The following ADAM22 variants were observed in gnomAD, a reference collection of about 807,000 sequenced individuals.
ADAM22 encodes the protein disintegrin and metalloproteinase domain-containing protein 22.
ADAM22 carries 65 observed loss-of-function variants against 144.6 expected under a neutral mutation model. That is an observed-to-expected ratio of 0.45 (90% confidence interval 0.37 to 0.55). ADAM22 has a LOEUF of 0.55. ADAM22 is among the 20% of genes least tolerant of loss of function. ADAM22 has a pLI of 0.00. For synonymous variants in ADAM22, 391 were observed against 412.6 expected (o/e 0.95, Z 0.63); for missense variants, 974 against 1,184.9 (o/e 0.82, Z 2.61).
intron 3 of ADAM22, among the ~76,000 whole-genome samples, chr7:88,021,190 G>A (rs1374163047): frequency 6.6e-6 from 1 of 152,174 alleles, no homozygotes; most frequent in African/African-American, 2.4e-5. Flanking sequence ...TGTGGCAAGT[G>A]AATCACAAGG....
chr7:88,093,918 T>C (rs1353108513), intron 4 of ADAM22, among the ~76,000 whole-genome samples: 1 of 152,112 alleles, frequency 6.6e-6, no homozygotes, highest in Non-Finnish European at 1.5e-5. Context: ...ATTTTCCCCA[T>C]AGCCACTCAT....
intron 22 of ADAM22, among the ~76,000 whole-genome samples, chr7:88,161,193 G>GAAAAAAAAAAAA (rs34723283): frequency 7.3e-6 from 1 of 136,960 alleles, no homozygotes. Flanking sequence ...AACATATTTG[G>GAAAAAAAAAAAA]AAAAAAAAAA....
At chr7:88,166,402 G>C (rs1227169060) in intron 24 of ADAM22, among the ~76,000 whole-genome samples, 1 of 152,130 alleles carries the variant, frequency 6.6e-6, no homozygotes, top group Non-Finnish European at 1.5e-5. Context: ...GCTACAGTTA[G>C]TAATCCTGGC....
chr7:88,183,218 G>A (rs755807380), intron 29 of ADAM22, among the ~76,000 whole-genome samples: 2 of 152,030 alleles, frequency 1.3e-5, no homozygotes, highest in South Asian at 2.1e-4. Flanking sequence ...TTCCCAAAGC[G>A]CTTGGATGCT....
intron 29 of ADAM22, among the ~76,000 whole-genome samples, chr7:88,184,686 C>G (rs929502792): frequency 6.6e-6 from 1 of 152,106 alleles, no homozygotes; most frequent in Non-Finnish European, 1.5e-5. Context: ...TCCCATCACT[C>G]CAGCCACCAT....
At chr7:88,069,139 T>G (rs186921738) in intron 3 of ADAM22, among the ~76,000 whole-genome samples, 355 of 151,726 alleles carry the variant, frequency 2.3e-3, no homozygotes, top group African/African-American at 8.5e-3. Context: ...TGTCTTCCCT[T>G]ACCTTCCCTC....
At chr7:88,139,719 C>G (rs1194110027) in intron 14 of ADAM22, among the ~76,000 whole-genome samples, 1 of 151,578 alleles carries the variant, frequency 6.6e-6, no homozygotes, top group Non-Finnish European at 1.5e-5. Flanking sequence ...GGATAGTTCC[C>G]AAAGCAGTGT....
chr7:87,969,582 A>G (rs1352437192), intron 2 of ADAM22, among the ~76,000 whole-genome samples: 11 of 152,168 alleles, frequency 7.2e-5, no homozygotes, highest in Non-Finnish European at 1.2e-4. Context: ...TATTACAGCA[A>G]ATCTACAAAG....
chr7:88,017,534 C>T (rs1439007611), intron 3 of ADAM22, among the ~76,000 whole-genome samples: 1 of 152,030 alleles, frequency 6.6e-6, no homozygotes, highest in Non-Finnish European at 1.5e-5. Context: ...TAGGTTTATT[C>T]ATTTTAGTTT....
At chr7:88,084,061 G>A (rs1817737668) in intron 4 of ADAM22, among the ~76,000 whole-genome samples, 1 of 152,136 alleles carries the variant, frequency 6.6e-6, no homozygotes, top group African/African-American at 2.4e-5. Flanking sequence ...AAAGGAAACA[G>A]GCCATTCACT....
chr7:88,177,048 AGCCACCAC>A (rs959104668), intron 26 of ADAM22, among the ~76,000 whole-genome samples: 2 of 152,092 alleles, frequency 1.3e-5, no homozygotes, highest in African/African-American at 4.8e-5. Context: ...TACAGGCGTG[AGCCACCAC>A]GCCCAGCCTG....
At chr7:88,183,760 G>T (rs985450158) in intron 29 of ADAM22, among the ~76,000 whole-genome samples, 2 of 151,414 alleles carry the variant, frequency 1.3e-5, no homozygotes, top group African/African-American at 2.4e-5. Context: ...ATCCAAGTCT[G>T]TAAAGCTGAC....
intron 19 of ADAM22, 34 bp downstream of exon 19, chr7:88,151,065 A>G: frequency 1.3e-6 from 2 of 1,591,102 alleles, no homozygotes; most frequent in African/African-American, 1.3e-5. Flanking sequence ...TGTTTTTCAC[A>G]TGTACCAGCA....
At position 87,943,489 on chromosome 7, in the gene ADAM22, A is replaced by T. The variant is rs546907643; in HGVS notation, c.246+8303A>T. ...CAGGTCTCCTCCCTAGCTAACTTGCAGTTATTTTACATATAATTAAAATAG... is the reference window on the plus strand; with the variant it reads ...CAGGTCTCCTCCCTAGCTAACTTGCTGTTATTTTACATATAATTAAAATAG... On this transcript the variant is annotated intron_variant, in intron 2 of 31. Coordinates refer to ENST00000413139, the MANE Select transcript of ADAM22 (RefSeq NM_001324418.2). Among the ~76,000 whole-genome samples, 3 of 152,292 alleles carry T rather than the reference A, an allele frequency of 2.0e-5. No homozygotes were observed. In the South Asian group the frequency reaches 6.2e-4, roughly 32 times the overall value.
intron 4 of ADAM22, among the ~76,000 whole-genome samples, chr7:88,080,260 G>A (rs1349367900): frequency 6.6e-6 from 1 of 152,116 alleles, no homozygotes; most frequent in African/African-American, 2.4e-5. Context: ...GGTACATAAT[G>A]AAATGAAGGC....
At position 88,054,031 on chromosome 7, in the gene ADAM22, C is replaced by G. The variant is rs559479728; in HGVS notation, c.324-21595C>G. ...CCTGTAATTCCAGCTACTCGGGAGG[C>G]TGAGGCAGGAGAATCACTTGAACCA... is the stretch of plus-strand genomic sequence containing the variant. On this transcript the variant is annotated intron_variant, in intron 3 of 31. Transcript: ENST00000413139. Among the ~76,000 whole-genome samples, 16 of 152,230 alleles carry G rather than the reference C, an allele frequency of 1.1e-4. No homozygotes were observed. The East Asian group carries it at 3.1e-3, about 29-fold the overall frequency.
chr7:88,114,500 C>A, intron 5 of ADAM22, 84 bp from the exon 6 acceptor site: 1 of 1,330,138 alleles, frequency 7.5e-7, no homozygotes, highest in Non-Finnish European at 1.1e-6. Context: ...CAAATGGGCC[C>A]TCTGGCTGCT....
At chr7:88,023,504 C>T (rs896903884) in intron 3 of ADAM22, among the ~76,000 whole-genome samples, 3 of 152,152 alleles carry the variant, frequency 2.0e-5, no homozygotes, top group African/African-American at 7.2e-5. Context: ...ATTGCAACCT[C>T]CACCTCCCAG....
chr7:88,077,108 T>C (rs1460998990), intron 4 of ADAM22, among the ~76,000 whole-genome samples: 1 of 152,210 alleles, frequency 6.6e-6, no homozygotes, highest in Non-Finnish European at 1.5e-5. Flanking sequence ...CTTGCTTCTG[T>C]ATCATTTTGT....
Sources: gnomAD v4.1 joint callset for allele counts (sites outside exome capture counted in the v4.1 genomes callset) on GRCh38, gnomAD v4.1.1 for gene constraint, MANE v1.5 for transcripts, NCBI Gene and HGNC (gene_info 2026-07-23, HGNC 2026-07-21) for gene names.